The following GRM7 variants were observed in gnomAD, a reference collection of about 807,000 sequenced individuals.
The protein encoded by GRM7 is metabotropic glutamate receptor 7.
Under a neutral mutation model 84.5 loss-of-function variants are expected in GRM7, and 35 were observed. That is an observed-to-expected ratio of 0.41 (90% CI 0.32 to 0.55). The LOEUF (loss-of-function observed/expected upper bound fraction) is 0.55. Ranked by LOEUF, GRM7 falls within the 20% of genes least tolerant of loss-of-function variation. The pLI is 0.19. For synonymous variants in GRM7, 487 were observed against 455.1 expected (o/e 1.07, Z -0.89); for missense variants, 1,003 against 1,194.6 (o/e 0.84, Z 2.36).
At chr3:7,660,006 A>T (rs1302537842) in intron 8 of GRM7, among the ~76,000 whole-genome samples, 1 of 152,220 alleles carries the variant, frequency 6.6e-6, no homozygotes, top group African/African-American at 2.4e-5. Context: ...GAGAAAACTG[A>T]AGTTCTGTTT....
intron 1 of GRM7, among the ~76,000 whole-genome samples, chr3:6,920,370 C>T (rs6443076): frequency 0.035 from 5,256 of 152,028 alleles, 314 homozygotes; most frequent in African/African-American, 0.12. Flanking sequence ...GCCTGGCCAA[C>T]ATGGTGAAAC....
chr3:7,506,808 C>T (rs982351967), intron 7 of GRM7, among the ~76,000 whole-genome samples: 6 of 152,108 alleles, frequency 3.9e-5, no homozygotes, highest in African/African-American at 1.4e-4. Flanking sequence ...AGGGCAGAAC[C>T]CTCATTAATC....
chr3:7,053,069 T>A (rs12496535), intron 1 of GRM7, among the ~76,000 whole-genome samples: 23,997 of 148,850 alleles, frequency 0.16, 2,282 homozygotes, highest in Non-Finnish European at 0.21. Flanking sequence ...TCTTTTGTTT[T>A]TCTTGGGTTT....
Position 7,103,816 on chromosome 3 carries a change from T to TTCTTTCTTTCTCTC in GRM7, c.520-42633_520-42632insTTCTTTCTCTCTCT, listed in dbSNP as rs1553617438. ...TTTCTTTCTTTCTTTCTTTCTTTCTTTCTCTCTCTCTCTGTCTCTCTCTCC... is the reference window on the plus strand; with the variant it reads ...TTTCTTTCTTTCTTTCTTTCTTTCTTTCTTTCTTTCTCTCTCTCTCTCTCTCTGTCTCTCTCTCC... On this transcript the variant is annotated intron_variant, in intron 1 of 9. Coordinates refer to ENST00000357716, the MANE Select transcript of GRM7 (RefSeq NM_000844.4). Among the ~76,000 whole-genome samples the TTCTTTCTTTCTCTC allele has an allele frequency of 1.1e-3, 97 of 89,112 alleles. 3 individuals carry two copies. Among genetic ancestry groups the TTCTTTCTTTCTCTC allele is most frequent in the African/African-American group, 3.3e-3 (68 of 20,770 alleles). The allele number at this position is 89,112 out of a possible 152,430, so 58.5% of individuals were successfully genotyped here.
intron 2 of GRM7, among the ~76,000 whole-genome samples, chr3:7,162,601 A>G (rs1403031918): frequency 6.6e-6 from 1 of 152,084 alleles, no homozygotes; most frequent in Non-Finnish European, 1.5e-5. Flanking sequence ...TGAATAGACA[A>G]TTTAATAGGA....
chr3:7,710,591 G>C (rs892701073), intron 9 of GRM7, among the ~76,000 whole-genome samples: 1 of 152,104 alleles, frequency 6.6e-6, no homozygotes, highest in Non-Finnish European at 1.5e-5. Flanking sequence ...CAGCCTGATT[G>C]TCTGTCTCCA....
At chr3:7,333,576 C>A (rs1450083347) in intron 4 of GRM7, among the ~76,000 whole-genome samples, 2 of 151,922 alleles carry the variant, frequency 1.3e-5, no homozygotes, top group Non-Finnish European at 2.9e-5. Context: ...TATAACATCC[C>A]CAAAAGATCA....
At chr3:7,052,943 A>G (rs1449234361) in intron 1 of GRM7, among the ~76,000 whole-genome samples, 2 of 151,496 alleles carry the variant, frequency 1.3e-5, no homozygotes, top group African/African-American at 4.8e-5. Flanking sequence ...TTGTAAGGGT[A>G]TGTTTAACTT....
chr3:7,374,214 TG>T (rs1261289411), intron 4 of GRM7, among the ~76,000 whole-genome samples: 1 of 150,846 alleles, frequency 6.6e-6, no homozygotes, highest in East Asian at 1.9e-4. Context: ...AGATACTCTA[TG>T]ACTATTAGTT....
rs149210755 is a variant in GRM7 at position 7,007,312 on chromosome 3, C to T, written c.520-139140C>T. On this transcript the variant is annotated intron_variant, in intron 1 of 9. Coordinates refer to ENST00000357716, the MANE Select transcript of GRM7 (RefSeq NM_000844.4). ...TCGTGATGATAAGGATTAAATGGAA[C>T]GGTTTCTATAAAAGAGTGGAAGCAT... Among the ~76,000 whole-genome samples, 58 of 152,184 alleles carry T rather than the reference C, an allele frequency of 3.8e-4. No homozygotes were observed. In the East Asian group the frequency reaches 8.1e-3, roughly 21 times the overall value.
At chr3:6,907,145 T>C (rs1696608575) in intron 1 of GRM7, among the ~76,000 whole-genome samples, 1 of 152,198 alleles carries the variant, frequency 6.6e-6, no homozygotes, top group South Asian at 2.1e-4. Flanking sequence ...GCTCAAGCGA[T>C]GCACCCACCT....
chr3:7,691,267 G>T, intron 9 of GRM7: 1 of 1,287,794 alleles, frequency 7.8e-7, no homozygotes, highest in Non-Finnish European at 1.0e-6. Flanking sequence ...TCCAAAGCTT[G>T]TTCTTCTTGA....
intron 1 of GRM7, among the ~76,000 whole-genome samples, chr3:7,010,372 T>C (rs1695330397): frequency 6.6e-6 from 1 of 152,202 alleles, no homozygotes; most frequent in African/African-American, 2.4e-5. Flanking sequence ...AAGAATTGCT[T>C]GAACCCGGGA....
chr3:7,127,525 T>C (rs939561959), intron 1 of GRM7, among the ~76,000 whole-genome samples: 5 of 152,224 alleles, frequency 3.3e-5, no homozygotes, highest in Non-Finnish European at 4.4e-5. Context: ...TCCCTGTTAG[T>C]ATTCTTTAGC....
intron 1 of GRM7, among the ~76,000 whole-genome samples, chr3:7,096,275 C>A (rs528588270): frequency 2.7e-4 from 41 of 152,182 alleles, no homozygotes; most frequent in African/African-American, 9.9e-4. Flanking sequence ...GGTAAGGACT[C>A]AGTCTTCTAC....
chr3:7,110,253 T>TATATAAAC (rs1692797965), intron 1 of GRM7, among the ~76,000 whole-genome samples: 1 of 152,062 alleles, frequency 6.6e-6, no homozygotes, highest in Admixed American at 6.6e-5. Context: ...CCAATCACAT[T>TATATAAAC]ATATAAACAT....
rs535012588 is a variant in GRM7, at chr3:7,378,138, G to T, written c.1034-36885G>T. ...CTCCACACAGCCTCTTGGTGACTCG[G>T]TGTGGGATGGCTGCACAGCCCGGGA... is the stretch of plus-strand genomic sequence containing the variant. On this transcript the variant is annotated intron_variant, in intron 4 of 9. Transcript: ENST00000357716. Among the ~76,000 whole-genome samples, 3 of 152,304 alleles carry T rather than the reference G, an allele frequency of 2.0e-5. No individual in the cohort carries two copies. In the East Asian group the frequency reaches 5.8e-4, roughly 30 times the overall value.
chr3:7,198,112 T>G (rs921972679), intron 2 of GRM7, among the ~76,000 whole-genome samples: 19 of 151,606 alleles, frequency 1.3e-4, no homozygotes, highest in Admixed American at 6.6e-4. Flanking sequence ...AGAATCAGCT[T>G]TTAAAGAAGA....
chr3:7,222,363 C>G (rs77757953), intron 2 of GRM7, among the ~76,000 whole-genome samples: 2 of 151,972 alleles, frequency 1.3e-5, no homozygotes, highest in East Asian at 3.9e-4. Flanking sequence ...TCCCAACCCC[C>G]ACCGCGAACT....
Sources: gnomAD v4.1 joint callset for allele counts (sites outside exome capture counted in the v4.1 genomes callset) on GRCh38, gnomAD v4.1.1 for gene constraint, MANE v1.5 for transcripts, NCBI Gene and HGNC (gene_info 2026-07-23, HGNC 2026-07-21) for gene names.